ATP10B: variants seen among roughly 807,000 people sequenced by gnomAD.
ATP10B encodes the protein phospholipid-transporting ATPase VB.
A neutral mutation model predicts 141.2 loss-of-function variants in ATP10B; 122 were observed. The ratio of observed to expected loss-of-function variants is 0.86; its 90% confidence interval spans 0.75 to 1.00. ATP10B has a LOEUF of 1.00. Ranked by LOEUF, ATP10B falls within the 50% of genes least tolerant of loss-of-function variation. The pLI, the probability that ATP10B is intolerant of heterozygous loss-of-function variation, is 0.00. For missense variants in ATP10B, 1,876 were observed against 1,825.3 expected, an observed-to-expected ratio of 1.03 and a Z score of -0.51; for synonymous variants, 685 against 692.0, an observed-to-expected ratio of 0.99 and a Z score of 0.16.
At chr5:160,759,542 A>G (rs924712772) in intron 2 of ATP10B, among the ~76,000 whole-genome samples, 3 of 152,198 alleles carry the variant, frequency 2.0e-5, no homozygotes, top group African/African-American at 7.2e-5. Context: ...GTTTTACTGA[A>G]CTCAGGAAGG....
chr5:160,591,585 A>G (rs1382846554), intron 22 of ATP10B, among the ~76,000 whole-genome samples: 2 of 151,990 alleles, frequency 1.3e-5, no homozygotes, highest in Admixed American at 6.5e-5. Context: ...AGAGATCTCA[A>G]TCGTAGCTCG....
chr5:160,891,572 G>C, the ATP10B span, among the ~76,000 whole-genome samples: 1 of 152,118 alleles, frequency 6.6e-6, no homozygotes, highest in African/African-American at 2.4e-5. Context: ...TCTCGTGCTG[G>C]GACTATAGGC....
chr5:160,640,640 T>C (rs749193334), intron 9 of ATP10B, 48 bp from the exon 10 acceptor site: 4 of 1,600,462 alleles, frequency 2.5e-6, no homozygotes, highest in Non-Finnish European at 3.4e-6. Context: ...TGTTTGCCTA[T>C]GTCTTACACC....
chr5:160,691,687 C>T (rs1428440904), intron 3 of ATP10B: 2 of 152,150 alleles, frequency 1.3e-5, no homozygotes, highest in African/African-American at 4.8e-5. Context: ...TAATATTTTA[C>T]TTTCCTGATG....
rs1400485970 is a variant in ATP10B at position 160,684,910 on chromosome 5, T to C, written c.470+1169A>G. 5.7e-6 allele frequency: 4 copies of C among 703,296 alleles called. No homozygotes were observed. The Admixed American group carries it at 6.0e-5, about 11-fold the overall frequency. 43.6% of individuals were successfully genotyped at this position (703,296 alleles called of 1,614,324 possible). On this transcript the variant is annotated intron_variant, in intron 6 of 25. Transcript: ENST00000327245. ...CCTCCGGAGGTCTTCCCAAGCGTCCTTGATGGCAGTGACTGCCAGGATAAC... is the reference window on the plus strand; with the variant it reads ...CCTCCGGAGGTCTTCCCAAGCGTCCCTGATGGCAGTGACTGCCAGGATAAC...
intron 24 of ATP10B, among the ~76,000 whole-genome samples, chr5:160,580,752 C>T (rs1474679540): frequency 6.6e-6 from 1 of 152,090 alleles, no homozygotes; most frequent in Non-Finnish European, 1.5e-5. Flanking sequence ...CCTCTTTGTA[C>T]CTCTGGTAGA....
Position 160,615,963 on chromosome 5 carries a change from A to T in ATP10B, c.2528T>A (p.Val843Asp), listed in dbSNP as rs1757972631. The part of the protein sequence containing the change: ...GLRTLCIAKK[V>D]VSEEDFRRWA... ...TCTCCGGAAGTCCTCTTCGCTTACAACCTATGGGATGGGAAAAGGCTCCTT... is the reference window on the plus strand; with the variant it reads ...TCTCCGGAAGTCCTCTTCGCTTACATCCTATGGGATGGGAAAAGGCTCCTT... The change falls in exon 17 of 26, where the codon GTT (valine) becomes GAT (aspartate). Residue 843 changes from valine (V) to aspartate (D), a missense_variant and splice_region_variant. By Grantham distance (152) the Val-to-Asp change is radical. Transcript: ENST00000327245. 6.2e-7 allele frequency: 1 copy of T among 1,611,580 alleles called. No individual in the cohort carries two copies. Among genetic ancestry groups the T allele is most frequent in the African/African-American group, 1.3e-5 (1 of 74,852 alleles).
intron 7 of ATP10B, among the ~76,000 whole-genome samples, chr5:160,663,678 T>A (rs987272290): frequency 3.0e-3 from 29 of 9,516 alleles, no homozygotes; most frequent in African/African-American, 5.1e-3. Flanking sequence ...TTAGGAGATA[T>A]ACCTAATGCT....
intron 15 of ATP10B, 78 bp downstream of exon 15, chr5:160,620,269 G>A: frequency 3.3e-6 from 5 of 1,507,932 alleles, no homozygotes; most frequent in Non-Finnish European, 4.4e-6. Context: ...TACAACTTGA[G>A]CTTCTTATTA....
intron 2 of ATP10B, among the ~76,000 whole-genome samples, chr5:160,725,967 G>C (rs2127787370): frequency 6.6e-6 from 1 of 152,234 alleles, no homozygotes; most frequent in East Asian, 1.9e-4. Flanking sequence ...TAGTATGGGA[G>C]TTGGAGAAGG....
At chr5:160,769,287 G>A (rs1205719878) in intron 2 of ATP10B, among the ~76,000 whole-genome samples, 2 of 152,178 alleles carry the variant, frequency 1.3e-5, no homozygotes, top group Non-Finnish European at 2.9e-5. Flanking sequence ...TCTTCTGACT[G>A]TGTTTATTAT....
chr5:160,801,153 G>A (rs1772348720), intron 1 of ATP10B, among the ~76,000 whole-genome samples: 1 of 152,136 alleles, frequency 6.6e-6, no homozygotes, highest in Admixed American at 6.5e-5. Context: ...AGCTGCCAGG[G>A]TCCTCTGTGA....
intron 2 of ATP10B, among the ~76,000 whole-genome samples, chr5:160,750,728 CTT>C (rs1212963939): frequency 6.6e-6 from 1 of 152,148 alleles, no homozygotes; most frequent in African/African-American, 2.4e-5. Context: ...TTAAACATGA[CTT>C]ATAATAAGTG....
intron 1 of ATP10B, among the ~76,000 whole-genome samples, chr5:160,823,698 G>A (rs1322092132): frequency 2.0e-5 from 3 of 152,086 alleles, no homozygotes; most frequent in African/African-American, 7.2e-5. Flanking sequence ...GCCAGGCGTG[G>A]TGGCAGCCGC....
In ATP10B at chr5:160,565,460, G is replaced by A. The variant is rs1561606303; in HGVS notation, c.4379C>T (p.Thr1460Ile). 2 of 1,613,818 alleles carry A rather than the reference G, an allele frequency of 1.2e-6. No individual in the cohort carries two copies. The highest frequency in any genetic ancestry group is 1.7e-6 in the Non-Finnish European group (2 of 1,179,918). The change falls in exon 26 of 26, where the codon ACC becomes ATC. Residue 1460 changes from threonine to isoleucine, a missense_variant. Physicochemically the swap from Thr to Ile is moderately conservative, Grantham distance 89. Transcript: ENST00000327245. The part of the protein sequence containing the change: ...SSHRRSQSSL[T>I]I ...ACAGATTTCTGCAGCTCCTCATATGGTCAGTGAACTCTGGGATCGGCGATG... is the reference window on the plus strand; with the variant it reads ...ACAGATTTCTGCAGCTCCTCATATGATCAGTGAACTCTGGGATCGGCGATG...
chr5:160,642,850 G>A (rs1759973707), intron 9 of ATP10B, among the ~76,000 whole-genome samples: 1 of 152,106 alleles, frequency 6.6e-6, no homozygotes, highest in African/African-American at 2.4e-5. Context: ...GAATATGAAT[G>A]GATTTTACCC....
chr5:160,811,232 C>T (rs952226666), intron 1 of ATP10B, among the ~76,000 whole-genome samples: 6 of 152,104 alleles, frequency 3.9e-5, no homozygotes, highest in Admixed American at 1.3e-4. Flanking sequence ...TGGCTTCAGG[C>T]GAGACTCAGC....
the ATP10B span, among the ~76,000 whole-genome samples, chr5:160,904,070 C>G: frequency 6.6e-6 from 1 of 152,138 alleles, no homozygotes; most frequent in African/African-American, 2.4e-5. Context: ...GAGGTTACCA[C>G]CTGTACTACC....
At chr5:160,570,528 T>A (rs995165367) in intron 24 of ATP10B, among the ~76,000 whole-genome samples, 1 of 152,208 alleles carries the variant, frequency 6.6e-6, no homozygotes, top group African/African-American at 2.4e-5. Flanking sequence ...AGCTTACAAC[T>A]AGTTTTCCAT....
Sources: gnomAD v4.1 joint callset for allele counts (sites outside exome capture counted in the v4.1 genomes callset) on GRCh38, gnomAD v4.1.1 for gene constraint, MANE v1.5 for transcripts, NCBI Gene and HGNC (gene_info 2026-07-23, HGNC 2026-07-21) for gene names.